The following RBFOX1 variants were observed in gnomAD, a reference collection of about 807,000 sequenced individuals.
RBFOX1 encodes RNA binding protein fox-1 homolog 1.
RBFOX1 carries 8 observed loss-of-function variants against 57.7 expected under a neutral mutation model. That is an observed-to-expected ratio of 0.14 (90% CI 0.08 to 0.25). The LOEUF (loss-of-function observed/expected upper bound fraction) is 0.25, where lower values mean the gene tolerates loss of function less well. Among genes scored for constraint, RBFOX1 ranks in the 10% least tolerant of loss-of-function variants. RBFOX1 has a pLI of 1.00. For synonymous variants in RBFOX1, 326 were observed against 222.4 expected, an observed-to-expected ratio of 1.47 and a Z score of -4.15; for missense variants, 611 against 548.5, an observed-to-expected ratio of 1.11 and a Z score of -1.14.
At chr16:5,654,798 T>TCTCTCTCTGTCCCTCGCTCTCTCCCC (rs1555494187) in intron 3 of RBFOX1, among the ~76,000 whole-genome samples, 1 of 152,008 alleles carries the variant, frequency 6.6e-6, no homozygotes, top group Non-Finnish European at 1.5e-5. Context: ...TTCCTCTCTC[T>TCTCTCTCTGTCCCTCGCTCTCTCCCC]CTCTCTCTGT....
intron 3 of RBFOX1, among the ~76,000 whole-genome samples, chr16:6,749,142 G>A (rs1438242588): frequency 6.6e-6 from 1 of 152,150 alleles, no homozygotes; most frequent in African/African-American, 2.4e-5. Flanking sequence ...AAGGCCGGAT[G>A]GCATTCGAGA....
chr16:5,350,055 G>C (rs1035030755), intron 1 of RBFOX1, among the ~76,000 whole-genome samples: 1 of 152,234 alleles, frequency 6.6e-6, no homozygotes, highest in Non-Finnish European at 1.5e-5. Context: ...TGGCGCTTGC[G>C]TGAGAGGAAA....
chr16:5,735,156 A>T (rs1386674488), intron 3 of RBFOX1, among the ~76,000 whole-genome samples: 1 of 152,052 alleles, frequency 6.6e-6, no homozygotes, highest in African/African-American at 2.4e-5. Flanking sequence ...CAGAGATATT[A>T]CCCCTGGCTA....
intron 3 of RBFOX1, among the ~76,000 whole-genome samples, chr16:5,735,689 G>A (rs1280106044): frequency 6.6e-6 from 1 of 152,154 alleles, no homozygotes; most frequent in African/African-American, 2.4e-5. Flanking sequence ...CTGAGGTCAG[G>A]AGTTTGAGAC....
chr16:5,924,403 C>T (rs938425344), intron 4 of RBFOX1, among the ~76,000 whole-genome samples: 4 of 152,118 alleles, frequency 2.6e-5, no homozygotes, highest in African/African-American at 9.7e-5. Flanking sequence ...GGGCTGATCC[C>T]TCATGAATAG....
chr16:6,102,419 A>G (rs932712183), intron 1 of RBFOX1, among the ~76,000 whole-genome samples: 1 of 152,200 alleles, frequency 6.6e-6, no homozygotes, highest in Non-Finnish European at 1.5e-5. Context: ...TTCAGTCTCT[A>G]AGTCTTACAA....
chr16:5,936,270 T>C (rs1031138701), intron 4 of RBFOX1, among the ~76,000 whole-genome samples: 1 of 152,100 alleles, frequency 6.6e-6, no homozygotes, highest in South Asian at 2.1e-4. Context: ...ATTACAGGCA[T>C]GTGCCAACGT....
At chr16:6,953,984 C>T (rs899991904) in intron 3 of RBFOX1, among the ~76,000 whole-genome samples, 5 of 152,086 alleles carry the variant, frequency 3.3e-5, no homozygotes, top group Non-Finnish European at 4.4e-5. Context: ...TTTACATACC[C>T]GATAGGTCTT....
intron 4 of RBFOX1, among the ~76,000 whole-genome samples, chr16:7,149,482 C>A (rs1362455326): frequency 9.7e-6 from 1 of 103,472 alleles, no homozygotes; most frequent in East Asian, 3.0e-4. Context: ...TTCTTTCTTT[C>A]CTTTTTTTTT....
At chr16:6,516,522 C>A (rs1166124485) in intron 2 of RBFOX1, among the ~76,000 whole-genome samples, 1 of 152,106 alleles carries the variant, frequency 6.6e-6, no homozygotes, top group African/African-American at 2.4e-5. Context: ...GGAAAAACTC[C>A]TCAAACATAA....
chr16:6,556,129 A>G (rs769522574), intron 2 of RBFOX1, among the ~76,000 whole-genome samples: 17 of 152,214 alleles, frequency 1.1e-4, no homozygotes, highest in Middle Eastern at 3.2e-3. Context: ...TTAATTTATC[A>G]TGATTCATAA....
chr16:6,159,137 C>T (rs896806796), intron 1 of RBFOX1, among the ~76,000 whole-genome samples: 3 of 152,130 alleles, frequency 2.0e-5, no homozygotes, highest in South Asian at 2.1e-4. Context: ...AGTTCATTGG[C>T]GTGATCTCAG....
chr16:6,498,834 A>G (rs1238504137), intron 2 of RBFOX1, among the ~76,000 whole-genome samples: 1 of 152,170 alleles, frequency 6.6e-6, no homozygotes, highest in Admixed American at 6.5e-5. Context: ...CCTGAAGCCA[A>G]GATATGCATG....
rs1441940677 is a variant in RBFOX1 at position 5,946,885 on chromosome 16, G to A, written c.351+79550G>A. ...AAACCCAACACATATGAGTGTAGAGGTATGCTGCTTGAGTGGAGAAACAGA... is the reference window on the plus strand; with the variant it reads ...AAACCCAACACATATGAGTGTAGAGATATGCTGCTTGAGTGGAGAAACAGA... On this transcript the variant is annotated intron_variant, in intron 4 of 19. Transcript: ENST00000641259. This position sits in a 1 kb window ranked among gnomAD's most constrained non-coding sequence, Gnocchi z 4.6. Among the ~76,000 whole-genome samples, 1 of 152,122 alleles carries A rather than the reference G, an allele frequency of 6.6e-6. No individual in the cohort carries two copies. Among genetic ancestry groups the A allele is most frequent in the Non-Finnish European group, 1.5e-5 (1 of 68,034 alleles).
rs551736797 is a variant in RBFOX1 at position 5,605,957 on chromosome 16, G to C, written c.318+6996G>C. Among the ~76,000 whole-genome samples, 4 of 152,202 alleles carry C rather than the reference G, an allele frequency of 2.6e-5. No individual in the cohort carries two copies. In the East Asian group the frequency reaches 7.7e-4, roughly 29 times the overall value. On this transcript the variant is annotated intron_variant, in intron 3 of 19. Transcript: ENST00000641259. Reference sequence around the variant, plus strand: ...CATAAGCTGGCCCACCTTTCCCATTGCTTCTCTTTCTGTATATTCACAGGC... The same window carrying C: ...CATAAGCTGGCCCACCTTTCCCATTCCTTCTCTTTCTGTATATTCACAGGC...
At chr16:5,272,049 G>T (rs1434576038) in intron 1 of RBFOX1, among the ~76,000 whole-genome samples, 1 of 152,182 alleles carries the variant, frequency 6.6e-6, no homozygotes, top group Non-Finnish European at 1.5e-5. Flanking sequence ...GAATAGTGCT[G>T]CAGTGAACAT....
At chr16:5,826,315 C>T (rs2056053898) in intron 3 of RBFOX1, among the ~76,000 whole-genome samples, 1 of 151,940 alleles carries the variant, frequency 6.6e-6, no homozygotes, top group Admixed American at 6.6e-5. Context: ...TGAAGCAAAC[C>T]ACAGTTGTAT....
intron 1 of RBFOX1, among the ~76,000 whole-genome samples, chr16:5,418,175 C>T (rs1043934726): frequency 1.3e-5 from 2 of 152,186 alleles, no homozygotes; most frequent in African/African-American, 4.8e-5. Context: ...TTTTCTTATG[C>T]CCATCTTTAA....
chr16:6,419,969 C>T (rs2093729723), intron 2 of RBFOX1, among the ~76,000 whole-genome samples: 1 of 152,066 alleles, frequency 6.6e-6, no homozygotes, highest in South Asian at 2.1e-4. Context: ...TCCCTTCTGG[C>T]CTGTCAGGTA....
Sources: gnomAD v4.1 joint callset for allele counts (sites outside exome capture counted in the v4.1 genomes callset) on GRCh38, gnomAD v4.1.1 for gene constraint, Gnocchi (gnomAD v3.1) non-coding constraint, MANE v1.5 for transcripts, NCBI Gene and HGNC (gene_info 2026-07-23, HGNC 2026-07-21) for gene names.